Variants in NPLOC4 observed in about 807,000 individuals in gnomAD.
The protein encoded by NPLOC4 is nuclear protein localization protein 4 homolog.
NPLOC4 carries 18 observed loss-of-function variants against 80.6 expected under a neutral mutation model. The ratio of observed to expected loss-of-function variants is 0.22; its 90% CI spans 0.15 to 0.33. The LOEUF (loss-of-function observed/expected upper bound fraction) is 0.33. Among genes scored for constraint, NPLOC4 ranks in the 10% least tolerant of loss-of-function variants. The probability of loss-of-function intolerance (pLI) is 1.00; values close to 1 mark genes in which losing one functional copy is unlikely to be tolerated. For missense variants in NPLOC4, 540 were observed against 786.1 expected (o/e 0.69, Z 3.74); for synonymous variants, 313 against 301.5 (o/e 1.04, Z -0.39).
intron 12 of NPLOC4, among the ~76,000 whole-genome samples, chr17:81,587,619 C>A (rs2034616438): frequency 7.7e-6 from 1 of 129,376 alleles, no homozygotes; most frequent in African/African-American, 3.1e-5. Context: ...CCAGCTGACA[C>A]CCTGTCTCTT....
intron 3 of NPLOC4, among the ~76,000 whole-genome samples, chr17:81,618,287 T>C (rs540380281): frequency 2.1e-5 from 3 of 143,886 alleles, no homozygotes; most frequent in East Asian, 4.2e-4. Context: ...GTCTGAGATG[T>C]GGGGAGCGCC....
At chr17:81,619,210 A>AAC (rs1457085087) in intron 3 of NPLOC4, among the ~76,000 whole-genome samples, 2 of 151,848 alleles carry the variant, frequency 1.3e-5, no homozygotes, top group Admixed American at 6.6e-5. Context: ...TTAAAAAAAA[A>AAC]AAAAAAAACA....
At position 81,594,724 on chromosome 17, in the gene NPLOC4, G is replaced by A. The variant is rs561286428; in HGVS notation, c.1120+1392C>T. Among the ~76,000 whole-genome samples, 9 of 151,904 alleles carry A rather than the reference G, an allele frequency of 5.9e-5. No homozygotes were observed. In the South Asian group the frequency reaches 1.5e-3, roughly 25 times the overall value. ...CGGGAGGTGGAACCTGCAGGGAGCC[G>A]AGATCGCGCCACTGCACTCCAACCT... On this transcript the variant is annotated intron_variant, in intron 11 of 16. Coordinates refer to ENST00000331134, the MANE Select transcript of NPLOC4 (RefSeq NM_017921.4).
chr17:81,587,606 C>T (rs1360014700), intron 12 of NPLOC4, among the ~76,000 whole-genome samples: 1 of 136,784 alleles, frequency 7.3e-6, no homozygotes, highest in Non-Finnish European at 1.5e-5. Flanking sequence ...TGAGCCACTG[C>T]GCCCAGCTGA....
At chr17:81,613,183 T>C in intron 4 of NPLOC4, 135 bp downstream of exon 4, 1 of 699,384 alleles carries the variant, frequency 1.4e-6, no homozygotes, top group Non-Finnish European at 2.1e-6. Context: ...AAGTTTAATC[T>C]GAAGATAGTA....
intron 4 of NPLOC4, among the ~76,000 whole-genome samples, chr17:81,611,193 A>G (rs112417725): frequency 0.54 from 82,368 of 151,312 alleles, 23,841 homozygotes; most frequent in Non-Finnish European, 0.65. Context: ...GGTGGCAAGC[A>G]CCTGTAATGC....
At chr17:81,584,732 A>G (rs2034530152) in intron 12 of NPLOC4, among the ~76,000 whole-genome samples, 1 of 152,216 alleles carries the variant, frequency 6.6e-6, no homozygotes, top group Non-Finnish European at 1.5e-5. Flanking sequence ...TTCAAACACC[A>G]ACAGTTTAAA....
At chr17:81,617,843 T>C (rs2035543489) in intron 3 of NPLOC4, among the ~76,000 whole-genome samples, 1 of 152,178 alleles carries the variant, frequency 6.6e-6, no homozygotes, top group Admixed American at 6.5e-5. Context: ...ATTTTTTTGG[T>C]GGAGATGGGG....
At chr17:81,631,857 T>C (rs181123640) in intron 1 of NPLOC4, among the ~76,000 whole-genome samples, 62 of 152,222 alleles carry the variant, frequency 4.1e-4, no homozygotes, top group Admixed American at 3.0e-3. Context: ...TGGAGTACAA[T>C]GGCGCAATCT....
rs771811467 is a variant in NPLOC4 at position 81,629,718 on chromosome 17, C to T, written c.96+7G>A. On this transcript the variant is annotated splice_region_variant and intron_variant, in intron 2 of 16. Coordinates refer to ENST00000331134, the MANE Select transcript of NPLOC4 (RefSeq NM_017921.4). ...ATCCTGAGGGTCAATACCCAGGCCA[C>T]AGATACCTTTTTCAAAAATGTTGCT... is the stretch of plus-strand genomic sequence containing the variant. The T allele has an allele frequency of 6.2e-7, 1 of 1,607,320 alleles. No homozygotes were observed. The highest frequency in any genetic ancestry group is 1.1e-5 in the South Asian group (1 of 90,898).
chr17:81,578,127 C>T (rs753396977), intron 12 of NPLOC4, among the ~76,000 whole-genome samples: 1 of 152,202 alleles, frequency 6.6e-6, no homozygotes, highest in East Asian at 1.9e-4. Flanking sequence ...CGCCTCCAGA[C>T]CACCCCTCCT....
At chr17:81,594,448 C>T (rs910869530) in intron 11 of NPLOC4, among the ~76,000 whole-genome samples, 3 of 152,006 alleles carry the variant, frequency 2.0e-5, no homozygotes, top group Non-Finnish European at 4.4e-5. Flanking sequence ...GAACTGCAGG[C>T]TGGGCAACAC....
intron 13 of NPLOC4, among the ~76,000 whole-genome samples, chr17:81,569,974 C>T (rs983265307): frequency 6.6e-6 from 1 of 152,252 alleles, no homozygotes; most frequent in African/African-American, 2.4e-5. Flanking sequence ...AGAGGTCACA[C>T]CTCTTCCAGA....
intron 3 of NPLOC4, among the ~76,000 whole-genome samples, chr17:81,616,583 A>G (rs2035498133): frequency 6.6e-6 from 1 of 151,592 alleles, no homozygotes. Flanking sequence ...AGAAAAAATT[A>G]GCCGGGCATG....
intron 3 of NPLOC4, among the ~76,000 whole-genome samples, chr17:81,620,657 C>T (rs748398184): frequency 6.6e-6 from 1 of 151,694 alleles, no homozygotes; most frequent in African/African-American, 2.4e-5. Flanking sequence ...GTGTTCAGTA[C>T]GTATTTTGTT....
In NPLOC4 at chr17:81,559,027, C is replaced by T. The variant is rs1167347086; in HGVS notation, c.*232G>A. On this transcript the variant is annotated 3_prime_UTR_variant, in exon 17 of 17. Transcript: ENST00000331134. Reference sequence around the variant, plus strand: ...GGATTAGGCGTGAGGAGCCGCTCTGCGTTTCCAGTCTGGAGACTGCATTCA... The same window carrying T: ...GGATTAGGCGTGAGGAGCCGCTCTGTGTTTCCAGTCTGGAGACTGCATTCA... 13 of 528,904 alleles carry T rather than the reference C, an allele frequency of 2.5e-5. No homozygotes were observed. The highest frequency in any genetic ancestry group is 3.9e-5 in the African/African-American group (2 of 51,782). The allele number at this position is 528,904 out of a possible 1,614,324, so 32.8% of individuals were successfully genotyped here. A position where few individuals can be genotyped will look rare whatever the true frequency, so the allele number is the denominator to read the frequency against.
At chr17:81,622,331 C>T (rs1272878959) in intron 2 of NPLOC4, 53 bp from the exon 3 acceptor site, 1 of 1,302,078 alleles carries the variant, frequency 7.7e-7, no homozygotes, top group Admixed American at 1.7e-5. Context: ...AGTATCACTA[C>T]ACATACCATA....
chr17:81,557,636 A>T lies in NPLOC4; in HGVS notation c.*1623T>A, dbSNP rs2033684471. 6.6e-6 allele frequency: 1 copy of T among 152,294 alleles called. No homozygotes were observed. The highest frequency in any genetic ancestry group is 2.4e-5 in the African/African-American group (1 of 41,458). The allele number at this position is 152,294 out of a possible 1,614,324, so 9.4% of individuals were successfully genotyped here. A position where few individuals can be genotyped will look rare whatever the true frequency, so the allele number is the denominator to read the frequency against. ...ATCTCAGGACCAGAGGAGACAGCAGAGGACAAAACTTCAGTGTGACAGCTG... is the reference window on the plus strand; with the variant it reads ...ATCTCAGGACCAGAGGAGACAGCAGTGGACAAAACTTCAGTGTGACAGCTG... On this transcript the variant is annotated 3_prime_UTR_variant, in exon 17 of 17. Coordinates refer to ENST00000331134, the MANE Select transcript of NPLOC4 (RefSeq NM_017921.4).
At chr17:81,605,260 G>A (rs1401322853) in intron 7 of NPLOC4, among the ~76,000 whole-genome samples, 7 of 144,894 alleles carry the variant, frequency 4.8e-5, no homozygotes, top group South Asian at 2.2e-4. Flanking sequence ...CAGCCTGGGC[G>A]ACAGAGCAAA....
Sources: gnomAD v4.1 joint callset for allele counts (sites outside exome capture counted in the v4.1 genomes callset) on GRCh38, gnomAD v4.1.1 for gene constraint, MANE v1.5 for transcripts, NCBI Gene and HGNC (gene_info 2026-07-23, HGNC 2026-07-21) for gene names.